Variants in ALMS1 observed in about 807,000 individuals in gnomAD.
ALMS1 encodes centrosome-associated protein ALMS1.
A neutral mutation model predicts 352.2 loss-of-function variants in ALMS1; 271 were observed. The ratio of observed to expected loss-of-function variants is 0.77; its 90% CI spans 0.70 to 0.85. The LOEUF is 0.85. ALMS1 is among the 40% of genes least tolerant of loss of function. ALMS1 has a pLI of 0.00. For missense variants in ALMS1, 5,445 were observed against 4,870.7 expected, an observed-to-expected ratio of 1.12 and a Z score of -3.51; for synonymous variants, 1,865 against 1,761.2, an observed-to-expected ratio of 1.06 and a Z score of -1.48.
At chr2:73,391,545 G>C (rs1490290794) in intron 1 of ALMS1, among the ~76,000 whole-genome samples, 1 of 151,898 alleles carries the variant, frequency 6.6e-6, no homozygotes, top group Admixed American at 6.6e-5. Context: ...CACCCGCCTC[G>C]GCCTCCCAAA....
Position 73,452,285 on chromosome 2 carries a change from GT to G in ALMS1, c.5763del (p.Phe1921LeufsTer18). 1.2e-6 allele frequency: 2 copies of G among 1,614,042 alleles called. No homozygotes were observed. Among genetic ancestry groups the G allele is most frequent in the East Asian group, 4.5e-5 (2 of 44,880 alleles). On this transcript the variant is annotated frameshift_variant, in exon 8 of 23. Transcript: ENST00000613296. LOFTEE classifies it high-confidence loss of function. ...AGATGTTACTGAAGAAGCTTTAAAT[GT>G]TTTTGTTGTTCCTGGACAAGGTGAC... ...LPDVTEEALN[V>X]FVVPGQGDRK...
intron 16 of ALMS1, among the ~76,000 whole-genome samples, chr2:73,591,676 A>G (rs139838659): frequency 1.2e-4 from 18 of 152,332 alleles, no homozygotes; most frequent in African/African-American, 4.3e-4. Flanking sequence ...TGAGGATATC[A>G]TGAGTGAGAT....
chr2:73,410,779 A>G (rs1671061088), intron 2 of ALMS1, among the ~76,000 whole-genome samples: 1 of 152,118 alleles, frequency 6.6e-6, no homozygotes, highest in Non-Finnish European at 1.5e-5. Flanking sequence ...AAAAAAGCTC[A>G]TGTAGAGTTA....
intron 16 of ALMS1, among the ~76,000 whole-genome samples, chr2:73,598,912 T>A (rs1375014877): frequency 1.3e-5 from 2 of 152,214 alleles, no homozygotes; most frequent in African/African-American, 4.8e-5. Flanking sequence ...TCTCTAATAC[T>A]TTTTGCAATG....
intron 9 of ALMS1, among the ~76,000 whole-genome samples, chr2:73,473,413 C>CA (rs1304164071): frequency 6.6e-6 from 1 of 152,008 alleles, no homozygotes; most frequent in Non-Finnish European, 1.5e-5. Flanking sequence ...ACAACACTTA[C>CA]AACAAGCAGT....
At chr2:73,567,266 A>G (rs150776940) in intron 15 of ALMS1, among the ~76,000 whole-genome samples, 41 of 152,292 alleles carry the variant, frequency 2.7e-4, no homozygotes, top group African/African-American at 9.4e-4. Context: ...CATTAATGTA[A>G]ACTCAAGTGC....
intron 1 of ALMS1, among the ~76,000 whole-genome samples, chr2:73,407,881 A>C (rs1156819813): frequency 1.3e-5 from 2 of 151,998 alleles, no homozygotes; most frequent in Non-Finnish European, 2.9e-5. Context: ...CTGTTCGAGG[A>C]TCTGAGATAC....
rs1034949241 is a variant in ALMS1, at chr2:73,572,376, C to G, written c.10499C>G (p.Ser3500Cys). 6.2e-7 allele frequency: 1 copy of G among 1,609,088 alleles called. No individual in the cohort carries two copies. Among genetic ancestry groups the G allele is most frequent in the Admixed American group, 1.7e-5 (1 of 59,302 alleles). ...AGTGATCAAGATATTTGCCATGAATCTTTGGGAAAGAGTGTTTTCATGAGA... is the reference window on the plus strand; with the variant it reads ...AGTGATCAAGATATTTGCCATGAATGTTTGGGAAAGAGTGTTTTCATGAGA... ...LPSDQDICHE[S>C]LGKSVFMRHS... is the part of the protein sequence containing the mutation. The change falls in exon 16 of 23, where the codon TCT becomes TGT. Residue 3500 changes from serine (S) to cysteine (C), a missense_variant. By Grantham distance (112) the Ser-to-Cys change is moderately radical. Coordinates refer to ENST00000613296, the MANE Select transcript of ALMS1 (RefSeq NM_001378454.1).
At chr2:73,548,268 C>T (rs939281019) in intron 12 of ALMS1, among the ~76,000 whole-genome samples, 1 of 152,156 alleles carries the variant, frequency 6.6e-6, no homozygotes, top group Non-Finnish European at 1.5e-5. Context: ...TATTCCAGAT[C>T]TTTAGTTAGA....
At chr2:73,594,922 A>G (rs1326655930) in intron 16 of ALMS1, among the ~76,000 whole-genome samples, 2 of 152,120 alleles carry the variant, frequency 1.3e-5, no homozygotes, top group Non-Finnish European at 2.9e-5. Context: ...CCTCTCAGCT[A>G]AGCTTGTTGT....
chr2:73,515,367 T>C (rs1025365789), intron 10 of ALMS1, among the ~76,000 whole-genome samples: 2 of 152,166 alleles, frequency 1.3e-5, no homozygotes, highest in Non-Finnish European at 2.9e-5. Context: ...TTGTGCTAAC[T>C]AGTAGCTAAA....
At chr2:73,556,829 A>G (rs1027017905) in intron 13 of ALMS1, among the ~76,000 whole-genome samples, 1 of 151,830 alleles carries the variant, frequency 6.6e-6, no homozygotes, top group Admixed American at 6.6e-5. Flanking sequence ...CAGCCTCCTG[A>G]GTAGCTGGGA....
Position 73,451,495 on chromosome 2 carries a change from G to A in ALMS1, c.4968G>A (p.Glu1656=), listed in dbSNP as rs756779268. 1 of 1,613,656 alleles carries A rather than the reference G, an allele frequency of 6.2e-7. No homozygotes were observed. The highest frequency in any genetic ancestry group is 1.3e-5 in the African/African-American group (1 of 74,802). The stretch of plus-strand genomic sequence containing the variant: ...CTGGACCAGCTGACCAGAAGACTGA[G>A]ACATTACCAGTACATTCTACTAGCT... ...AAPGPADQKT[E]TLPVHSTSYS... Residue 1656 remains glutamate (E), a synonymous_variant, in exon 8 of 23, where the codon GAG becomes GAA. Transcript: ENST00000613296.
At chr2:73,543,175 C>T (rs1372510178) in intron 12 of ALMS1, among the ~76,000 whole-genome samples, 5 of 152,202 alleles carry the variant, frequency 3.3e-5, no homozygotes, top group South Asian at 2.1e-4. Flanking sequence ...GAGATATAGA[C>T]CAACGGAACA....
intron 10 of ALMS1, among the ~76,000 whole-genome samples, chr2:73,499,133 C>T (rs1302919635): frequency 1.3e-5 from 2 of 152,088 alleles, no homozygotes; most frequent in Non-Finnish European, 2.9e-5. Context: ...TCCATATAAG[C>T]CATTTTAACT....
At chr2:73,554,616 T>C (rs1222344650) in intron 13 of ALMS1, among the ~76,000 whole-genome samples, 1 of 151,556 alleles carries the variant, frequency 6.6e-6, no homozygotes, top group Non-Finnish European at 1.5e-5. Flanking sequence ...AGGAGGCTGA[T>C]GTAGGAGAAT....
intron 7 of ALMS1, among the ~76,000 whole-genome samples, chr2:73,443,281 T>A (rs955461570): frequency 6.6e-6 from 1 of 152,154 alleles, no homozygotes; most frequent in Non-Finnish European, 1.5e-5. Context: ...TACTTGCCTC[T>A]TTTTTCATAG....
At position 73,448,749 on chromosome 2, in the gene ALMS1, C is replaced by A. The variant is rs758047046; in HGVS notation, c.2222C>A (p.Thr741Asn). Residue 741 changes from threonine to asparagine, a missense_variant, in exon 8 of 23, where the codon ACT becomes AAT. By Grantham distance (65) the Thr-to-Asn change is moderately conservative. Coordinates refer to ENST00000613296, the MANE Select transcript of ALMS1 (RefSeq NM_001378454.1). Reference sequence around the variant, plus strand: ...AGTCATCAAACTGAAGAGACTCTTACTAAAGTTTCAGCCACTCCTGGACCA... The same window carrying A: ...AGTCATCAAACTGAAGAGACTCTTAATAAAGTTTCAGCCACTCCTGGACCA... Reference protein sequence around the residue: ...ADSHQTEETLTKVSATPGPAD... With the variant: ...ADSHQTEETLNKVSATPGPAD... 1 of 1,605,092 alleles carries A rather than the reference C, an allele frequency of 6.2e-7. No individual in the cohort carries two copies. Among genetic ancestry groups the A allele is most frequent in the Non-Finnish European group, 8.5e-7 (1 of 1,174,058 alleles).
At position 73,448,808 on chromosome 2, in the gene ALMS1, T is replaced by G. The variant is rs1202823758; in HGVS notation, c.2281T>G (p.Ser761Ala). 2.5e-6 allele frequency: 4 copies of G among 1,613,992 alleles called. No individual in the cohort carries two copies. In the African/African-American group the frequency reaches 4.0e-5, roughly 16 times the overall value. Residue 761 changes from serine to alanine, a missense_variant, in exon 8 of 23, where the codon TCT (serine) becomes GCT (alanine). Physicochemically the swap from Ser to Ala is moderately conservative, Grantham distance 99. Transcript: ENST00000613296. Reference protein sequence around the residue: ...DQKTEIPAVQSSSYSQREKPS... With the variant: ...DQKTEIPAVQASSYSQREKPS... Reference sequence around the variant, plus strand: ...GAAGACTGAGATACCAGCAGTACAGTCTAGTTCTTACTCACAAAGAGAAAA... The same window carrying G: ...GAAGACTGAGATACCAGCAGTACAGGCTAGTTCTTACTCACAAAGAGAAAA...
Sources: allele counts gnomAD v4.1 joint callset (sites outside exome capture counted in the v4.1 genomes callset), GRCh38; gene constraint gnomAD v4.1.1; transcripts MANE v1.5; gene names NCBI Gene and HGNC (gene_info 2026-07-23, HGNC 2026-07-21).